INSR: variants seen among roughly 807,000 people sequenced by gnomAD.
The protein encoded by INSR is insulin receptor.
In INSR, 67 loss-of-function variants were observed where a neutral mutation model predicts 142.6. That is an observed-to-expected ratio of 0.47 (90% CI 0.39 to 0.58). INSR has a LOEUF of 0.58. Ranked by LOEUF, INSR falls within the 20% of genes least tolerant of loss-of-function variation. The probability of loss-of-function intolerance (pLI) is 0.00; values close to 1 mark genes in which losing one functional copy is unlikely to be tolerated. For missense variants in INSR, 1,248 were observed against 1,833.2 expected, an observed-to-expected ratio of 0.68 and a Z score of 5.83; for synonymous variants, 756 against 743.1, an observed-to-expected ratio of 1.02 and a Z score of -0.28.
intron 2 of INSR, among the ~76,000 whole-genome samples, chr19:7,249,319 A>G (rs537398414): frequency 2.6e-4 from 40 of 152,070 alleles, no homozygotes; most frequent in Non-Finnish European, 4.9e-4. Context: ...TTCTCACCCC[A>G]GTAAAATTCC....
intron 2 of INSR, among the ~76,000 whole-genome samples, chr19:7,191,553 G>C (rs984824921): frequency 1.3e-5 from 2 of 152,172 alleles, no homozygotes; most frequent in African/African-American, 4.8e-5. Context: ...GCCAGGCGCA[G>C]TGGCTTGTGC....
At chr19:7,207,596 G>A (rs1975139547) in intron 2 of INSR, among the ~76,000 whole-genome samples, 1 of 150,238 alleles carries the variant, frequency 6.7e-6, no homozygotes, top group South Asian at 2.1e-4. Context: ...AACAACATGA[G>A]TTTCCCCACT....
chr19:7,126,512 C>A, intron 16 of INSR, 72 bp downstream of exon 16: 4 of 1,342,886 alleles, frequency 3.0e-6, no homozygotes, highest in East Asian at 5.0e-5. Context: ...CCTTCACTCT[C>A]ACTCAATGGT....
chr19:7,245,562 T>C (rs1976515787), intron 2 of INSR, among the ~76,000 whole-genome samples: 1 of 151,768 alleles, frequency 6.6e-6, no homozygotes, highest in African/African-American at 2.4e-5. Context: ...AACTCTCCTG[T>C]CTCAGGTTCC....
At chr19:7,140,120 A>G (rs1003713961) in intron 13 of INSR, among the ~76,000 whole-genome samples, 6 of 152,212 alleles carry the variant, frequency 3.9e-5, no homozygotes, top group African/African-American at 1.4e-4. Flanking sequence ...ACAAGCCACA[A>G]TAATTTAGAA....
intron 9 of INSR, among the ~76,000 whole-genome samples, chr19:7,155,971 A>T (rs1484228366): frequency 6.6e-6 from 1 of 150,940 alleles, no homozygotes; most frequent in Non-Finnish European, 1.5e-5. Context: ...GCCAGGTCAC[A>T]GCTGCATGAA....
rs1599863076 is a variant in INSR at position 7,116,917 on chromosome 19, GA to G, written c.*138del. 1.8e-5 allele frequency: 14 copies of G among 762,872 alleles called. No individual in the cohort carries two copies. The East Asian group carries it at 3.5e-4, about 19-fold the overall frequency. The allele number at this position is 762,872 out of a possible 1,614,324, so 47.3% of individuals were successfully genotyped here. A position where few individuals can be genotyped will look rare whatever the true frequency, so the allele number is the denominator to read the frequency against. ...TAACCAAACGAGTCCACCTTAAGAT[GA>G]ACAGAAATGTATAGGAACGATCTCT... On this transcript the variant is annotated 3_prime_UTR_variant, in exon 22 of 22. Transcript: ENST00000302850.
chr19:7,240,734 T>C (rs1976314345), intron 2 of INSR, among the ~76,000 whole-genome samples: 1 of 152,162 alleles, frequency 6.6e-6, no homozygotes, highest in African/African-American at 2.4e-5. Context: ...GAAAATTCCA[T>C]TCCTGACCTC....
rs184748449 is a variant in INSR, at chr19:7,206,610, T to A, written c.653-21973A>T. 1.6e-3 allele frequency among the ~76,000 whole-genome samples: 248 copies of A among 152,224 alleles called. 2 individuals are homozygous for A. The highest frequency in any genetic ancestry group is 0.014 in the Middle Eastern group (4 of 294). ...CTGGGTTGCACGCTCTTTATGAGAA[T>A]CTAATGCTTGATGATCTGTCACTGT... On this transcript the variant is annotated intron_variant, in intron 2 of 21. Transcript: ENST00000302850.
At chr19:7,177,702 A>ATTTTTTTTTT (rs71177166) in intron 3 of INSR, among the ~76,000 whole-genome samples, 27 of 90,640 alleles carry the variant, frequency 3.0e-4, no homozygotes, top group Non-Finnish European at 4.1e-4. Flanking sequence ...CTAATTTTGT[A>ATTTTTTTTTT]TTTTTTTTTT....
Position 7,117,212 on chromosome 19 carries a change from A to C in INSR, c.3993T>G (p.Arg1331=). The change falls in exon 22 of 22, where the codon CGT becomes CGG. Residue 1331 remains arginine, a synonymous_variant. Transcript: ENST00000302850. ...CCTCCTCCCTCTGACAGTGCGAGGAACGGTCCAGGGGCACATTCTCCATGT... is the reference window on the plus strand; with the variant it reads ...CCTCCTCCCTCTGACAGTGCGAGGACCGGTCCAGGGGCACATTCTCCATGT... ...FEDMENVPLD[R]SSHCQREEAG... 1 of 1,614,120 alleles carries C rather than the reference A, an allele frequency of 6.2e-7. No individual in the cohort carries two copies. Among genetic ancestry groups the C allele is most frequent in the Non-Finnish European group, 8.5e-7 (1 of 1,180,004 alleles).
At chr19:7,293,694 A>G (rs1007106154) in intron 1 of INSR, 98 bp downstream of exon 1, 2 of 972,836 alleles carry the variant, frequency 2.1e-6, no homozygotes, top group Non-Finnish European at 1.3e-6. Flanking sequence ...GCCCCTGGGG[A>G]GGGTTCTCAG....
intron 2 of INSR, among the ~76,000 whole-genome samples, chr19:7,240,899 C>T (rs1976319495): frequency 6.6e-6 from 1 of 152,278 alleles, no homozygotes; most frequent in South Asian, 2.1e-4. Context: ...CCCACAGTAT[C>T]TCATTACATA....
At chr19:7,194,508 C>CTTTTTTT (rs35025189) in intron 2 of INSR, among the ~76,000 whole-genome samples, 6 of 73,578 alleles carry the variant, frequency 8.2e-5, no homozygotes, top group African/African-American at 2.2e-4. Context: ...AATAGCTTTG[C>CTTTTTTT]TTTTTTTTTT....
chr19:7,259,784 A>T (rs1600103140), intron 2 of INSR, among the ~76,000 whole-genome samples: 1 of 151,196 alleles, frequency 6.6e-6, no homozygotes, highest in African/African-American at 2.4e-5. Flanking sequence ...ATGCCACTGC[A>T]CTCCAGCCTG....
intron 2 of INSR, among the ~76,000 whole-genome samples, chr19:7,211,931 G>T (rs1975287011): frequency 6.6e-6 from 1 of 152,160 alleles, no homozygotes; most frequent in Non-Finnish European, 1.5e-5. Context: ...GGTAATGCCG[G>T]GGCCGTTTCC....
Position 7,150,665 on chromosome 19 carries a change from T to TC in INSR, c.2232-134dup, listed in dbSNP as rs1368895914. ...TTTGACCCTGGACCACTCGCTCCCA[T>TC]CACTTGCTAGACGGAGTGAGCTACA... On this transcript the variant is annotated intron_variant, in intron 10 of 21. Coordinates refer to ENST00000302850, the MANE Select transcript of INSR (RefSeq NM_000208.4). The surrounding 1 kb of genome is among the most constrained non-coding windows in gnomAD (Gnocchi z 4.2). 1 of 789,078 alleles carries TC rather than the reference T, an allele frequency of 1.3e-6. No individual in the cohort carries two copies. The highest frequency in any genetic ancestry group is 1.7e-5 in the African/African-American group (1 of 59,588). 48.9% of individuals were successfully genotyped at this position (789,078 alleles called of 1,614,324 possible). A position where few individuals can be genotyped will look rare whatever the true frequency, so the allele number is the denominator to read the frequency against.
At chr19:7,184,983 G>A (rs1406550852) in intron 2 of INSR, among the ~76,000 whole-genome samples, 1 of 152,114 alleles carries the variant, frequency 6.6e-6, no homozygotes, top group Non-Finnish European at 1.5e-5. Flanking sequence ...CCAACATGAA[G>A]TTACTAAACA....
intron 13 of INSR, among the ~76,000 whole-genome samples, chr19:7,137,426 T>G (rs2144847670): frequency 6.6e-6 from 1 of 152,100 alleles, no homozygotes; most frequent in South Asian, 2.1e-4. Flanking sequence ...GAAATGAGGT[T>G]TGGAACCACT....
Sources: allele counts gnomAD v4.1 joint callset (sites outside exome capture counted in the v4.1 genomes callset), GRCh38; gene constraint gnomAD v4.1.1; non-coding constraint Gnocchi (gnomAD v3.1); transcripts MANE v1.5; gene names NCBI Gene and HGNC (gene_info 2026-07-23, HGNC 2026-07-21).